The following NRXN1 variants were observed in gnomAD, a reference collection of about 807,000 sequenced individuals.
NRXN1 encodes neurexin-1.
In NRXN1, 39 loss-of-function variants were observed where a neutral mutation model predicts 150.9. The observed-to-expected ratio is 0.26, with a 90% confidence interval of 0.20 to 0.34. NRXN1 has a LOEUF of 0.34. Among genes scored for constraint, NRXN1 ranks in the 10% least tolerant of loss-of-function variants. The pLI is 1.00. For missense variants in NRXN1, 1,815 were observed against 1,949.9 expected (o/e 0.93, Z 1.30); for synonymous variants, 924 against 757.0 (o/e 1.22, Z -3.62).
Position 50,751,389 on chromosome 2 carries a change from T to C in NRXN1, c.833-127774A>G, listed in dbSNP as rs181807696. On this transcript the variant is annotated intron_variant, in intron 5 of 22. Transcript: ENST00000401669. Reference sequence around the variant, plus strand: ...AAATAATTCTCTCTGGCCACTTCCATATTCTCCCAGATCAGGACCTATACA... The same window carrying C: ...AAATAATTCTCTCTGGCCACTTCCACATTCTCCCAGATCAGGACCTATACA... 2.6e-5 allele frequency among the ~76,000 whole-genome samples: 4 copies of C among 152,142 alleles called. No homozygotes were observed. In the East Asian group the frequency reaches 7.8e-4, roughly 30 times the overall value.
chr2:50,581,435 G>T lies in NRXN1; in HGVS notation c.1321-28410C>A, dbSNP rs115273628. 7.5e-3 allele frequency among the ~76,000 whole-genome samples: 1,138 copies of T among 152,058 alleles called. 19 individuals carry two copies. The highest frequency in any genetic ancestry group is 0.026 in the African/African-American group (1,074 of 41,468). On this transcript the variant is annotated intron_variant, in intron 8 of 22. Coordinates refer to ENST00000401669, the MANE Select transcript of NRXN1 (RefSeq NM_001330078.2). The stretch of plus-strand genomic sequence containing the variant: ...AATTAAAACTCAAATAAATTAAACT[G>T]GCCATATTTCACCATCCCTCAGATT...
At chr2:50,900,079 A>G (rs546151149) in intron 5 of NRXN1, among the ~76,000 whole-genome samples, 1 of 152,322 alleles carries the variant, frequency 6.6e-6, no homozygotes, top group Admixed American at 6.5e-5. Context: ...ATCAATCTAG[A>G]GTAACATGAA....
chr2:50,937,840 C>T (rs114827731), intron 2 of NRXN1, among the ~76,000 whole-genome samples: 208 of 152,158 alleles, frequency 1.4e-3, no homozygotes, highest in African/African-American at 4.6e-3. Context: ...AATGGGGATA[C>T]GTTTCAAGAA....
At chr2:50,410,242 T>A (rs895901295) in intron 17 of NRXN1, among the ~76,000 whole-genome samples, 12 of 152,178 alleles carry the variant, frequency 7.9e-5, no homozygotes, top group African/African-American at 2.9e-4. Context: ...TGCCAACACT[T>A]AATACAATTT....
intron 2 of NRXN1, among the ~76,000 whole-genome samples, chr2:50,952,586 C>T (rs570174878): frequency 5.8e-4 from 89 of 152,188 alleles, no homozygotes; most frequent in Non-Finnish European, 1.1e-3. Flanking sequence ...TATGCTACCA[C>T]GGAGTTCTTA....
At chr2:50,018,041 T>C (rs1450056253) in intron 21 of NRXN1, among the ~76,000 whole-genome samples, 1 of 152,184 alleles carries the variant, frequency 6.6e-6, no homozygotes, top group East Asian at 1.9e-4. Flanking sequence ...TGATAAACTT[T>C]TAACAGACTG....
At chr2:50,171,669 T>TA (rs1249724976) in intron 18 of NRXN1, among the ~76,000 whole-genome samples, 4 of 152,100 alleles carry the variant, frequency 2.6e-5, no homozygotes, top group Non-Finnish European at 2.9e-5. Flanking sequence ...TTGAATAACT[T>TA]AGAGTCTCCA....
At chr2:50,043,557 T>G (rs1691339813) in intron 21 of NRXN1, among the ~76,000 whole-genome samples, 1 of 152,170 alleles carries the variant, frequency 6.6e-6, no homozygotes, top group Admixed American at 6.5e-5. Context: ...AAACTTATAT[T>G]CCCTTTGGAT....
At position 50,495,950 on chromosome 2, in the gene NRXN1, T is replaced by G; in HGVS notation, c.3025A>C (p.Ile1009Leu). ...GCTCCGGCGGTGATTTGCGTTGTGA[T>G]TTTTGTGTCAATCTTTACAGTGTGG... ...NLHTVKIDTKITTQITAGARN... is the reference protein window; with the variant it reads ...NLHTVKIDTKLTTQITAGARN... The change falls in exon 15 of 23, where the codon ATC becomes CTC. Residue 1009 changes from isoleucine to leucine, a missense_variant. Physicochemically the swap from Ile to Leu is conservative, Grantham distance 5. Transcript: ENST00000401669. 1 of 1,611,016 alleles carries G rather than the reference T, an allele frequency of 6.2e-7. No individual in the cohort carries two copies. Among genetic ancestry groups the G allele is most frequent in the Non-Finnish European group, 8.5e-7 (1 of 1,178,522 alleles).
intron 12 of NRXN1, among the ~76,000 whole-genome samples, chr2:50,511,661 G>A (rs2092456906): frequency 6.6e-6 from 1 of 152,080 alleles, no homozygotes; most frequent in African/African-American, 2.4e-5. Flanking sequence ...TAAATTCAAG[G>A]TGTCTCTAAG....
At chr2:50,209,345 A>G (rs1250302567) in intron 18 of NRXN1, among the ~76,000 whole-genome samples, 1 of 152,180 alleles carries the variant, frequency 6.6e-6, no homozygotes, top group Non-Finnish European at 1.5e-5. Flanking sequence ...AAATAATAAC[A>G]GTTACCATTT....
chr2:50,337,055 A>C lies in NRXN1; in HGVS notation c.3365-100085T>G, dbSNP rs545285302. On this transcript the variant is annotated intron_variant, in intron 17 of 22. Transcript: ENST00000401669. ...TTATTGACAGCATAATGTAGAGGTT[A>C]AAAGCATGGACTTTCTTTTTTCTTT... Among the ~76,000 whole-genome samples, 222 of 152,112 alleles carry C rather than the reference A, an allele frequency of 1.5e-3. 1 individual carries two copies. The highest frequency in any genetic ancestry group is 5.1e-3 in the African/African-American group (212 of 41,518).
chr2:50,679,114 G>T (rs1422350719), intron 5 of NRXN1, among the ~76,000 whole-genome samples: 1 of 151,926 alleles, frequency 6.6e-6, no homozygotes, highest in Non-Finnish European at 1.5e-5. Flanking sequence ...TTTTCTTCTT[G>T]GAAGAAGAAG....
At chr2:50,126,612 T>C (rs1348008626) in intron 18 of NRXN1, among the ~76,000 whole-genome samples, 1 of 152,156 alleles carries the variant, frequency 6.6e-6, no homozygotes, top group Non-Finnish European at 1.5e-5. Context: ...TAAGCCTACG[T>C]CAGAAAATAC....
At chr2:50,001,654 G>T (rs1683948441) in intron 21 of NRXN1, among the ~76,000 whole-genome samples, 1 of 151,954 alleles carries the variant, frequency 6.6e-6, no homozygotes, top group South Asian at 2.1e-4. Context: ...TTTTAAATAA[G>T]GTAAAAACGA....
chr2:50,238,868 G>A (rs2152882365), intron 17 of NRXN1, among the ~76,000 whole-genome samples: 1 of 152,062 alleles, frequency 6.6e-6, no homozygotes, highest in Non-Finnish European at 1.5e-5. Flanking sequence ...ATGCAAAAGT[G>A]ATAAACATGA....
At chr2:50,784,269 G>C (rs1704778135) in intron 5 of NRXN1, among the ~76,000 whole-genome samples, 1 of 152,006 alleles carries the variant, frequency 6.6e-6, no homozygotes, top group African/African-American at 2.4e-5. Context: ...TTTTATCAAA[G>C]GGTCAGATGG....
intron 5 of NRXN1, among the ~76,000 whole-genome samples, chr2:50,694,605 G>A (rs941990873): frequency 2.0e-5 from 3 of 152,036 alleles, no homozygotes; most frequent in East Asian, 1.9e-4. Context: ...AGTCAGAATC[G>A]AAGAAGCATC....
chr2:50,662,069 T>C (rs1341824181), intron 5 of NRXN1, among the ~76,000 whole-genome samples: 1 of 152,080 alleles, frequency 6.6e-6, no homozygotes, highest in South Asian at 2.1e-4. Flanking sequence ...TGAGGGTACA[T>C]GTACAAAGTC....
Sources: gnomAD v4.1 joint callset for allele counts (sites outside exome capture counted in the v4.1 genomes callset) on GRCh38, gnomAD v4.1.1 for gene constraint, MANE v1.5 for transcripts, NCBI Gene and HGNC (gene_info 2026-07-23, HGNC 2026-07-21) for gene names.